The following F8 variants were observed in gnomAD, a reference collection of about 807,000 sequenced individuals.
The protein encoded by F8 is coagulation factor VIII.
In F8, 12 loss-of-function variants were observed where a neutral mutation model predicts 140.6. The observed-to-expected ratio is 0.09, with a 90% CI of 0.05 to 0.14. The LOEUF is 0.14. Ranked by LOEUF, F8 falls within the 10% of genes least tolerant of loss-of-function variation. F8 has a pLI of 1.00. For missense variants in F8, 1,354 were observed against 1,720.7 expected, an observed-to-expected ratio of 0.79 and a Z score of 3.77; for synonymous variants, 585 against 614.6, an observed-to-expected ratio of 0.95 and a Z score of 0.71.
rs1047161324 is a variant in F8 at position 154,906,063 on chromosome X, A to G, written c.5373+357T>C. Reference sequence around the variant, plus strand: ...ATTACAGCGTTATTTATATAGTGAAAAAAGAAACTGTCTAAAAGCTTGTTC... The same window carrying G: ...ATTACAGCGTTATTTATATAGTGAAGAAAGAAACTGTCTAAAAGCTTGTTC... On this transcript the variant is annotated intron_variant, in intron 15 of 25. Coordinates refer to ENST00000360256, the MANE Select transcript of F8 (RefSeq NM_000132.4). Among the ~76,000 whole-genome samples, 57 of 112,090 alleles carry G rather than the reference A, an allele frequency of 5.1e-4. 1 individual carries two copies. Among genetic ancestry groups the G allele is most frequent in the African/African-American group, 1.8e-3 (56 of 31,011 alleles).
chrX:155,015,663 A>G (rs1339424396), intron 1 of F8, among the ~76,000 whole-genome samples: 1 of 111,743 alleles, frequency 8.9e-6, no homozygotes, highest in Non-Finnish European at 1.9e-5. Flanking sequence ...ACTAGAGGAA[A>G]GAGGGAGGAG....
intron 6 of F8, among the ~76,000 whole-genome samples, chrX:154,981,055 C>G (rs2073516723): frequency 8.9e-6 from 1 of 112,138 alleles, no homozygotes; most frequent in African/African-American, 3.2e-5. Flanking sequence ...CATGCTGGCT[C>G]TGCTACTAAT....
intron 13 of F8, among the ~76,000 whole-genome samples, chrX:154,945,191 C>G (rs1276867063): frequency 1.3e-4 from 14 of 110,776 alleles, no homozygotes; most frequent in African/African-American, 3.9e-4. Flanking sequence ...AGAACTAATA[C>G]CAGCTCTTCA....
rs782324012 is a variant in F8 at position 154,928,590 on chromosome X, G to A, written c.5200C>T (p.Pro1734Ser). 3.1e-5 allele frequency: 38 copies of A among 1,208,066 alleles called. No individual in the cohort carries two copies. The highest frequency in any genetic ancestry group is 6.7e-6 in the Non-Finnish European group (6 of 893,511). The stretch of plus-strand genomic sequence containing the variant: ...TCATACCTGTTTCTTAGAACATGTG[G>A]GGAGCTACTCATCCCATAATCCCAG... The part of the protein sequence containing the change: ...RLWDYGMSSS[P>S]HVLRNRAQSG... The change falls in exon 14 of 26, where the codon CCA becomes TCA. Residue 1734 changes from proline to serine, a missense_variant. Physicochemically the swap from Pro to Ser is moderately conservative, Grantham distance 74. Coordinates refer to ENST00000360256, the MANE Select transcript of F8 (RefSeq NM_000132.4).
chrX:154,921,219 G>A (rs1353971741), intron 14 of F8, among the ~76,000 whole-genome samples: 2 of 111,766 alleles, frequency 1.8e-5, no homozygotes, highest in Admixed American at 9.5e-5. Flanking sequence ...TTATACAAAG[G>A]ATATGAACAG....
Position 154,930,594 on chromosome X carries a change from G to A in F8, c.3196C>T (p.His1066Tyr), listed in dbSNP as rs1196356883. 3 of 1,207,924 alleles carry A rather than the reference G, an allele frequency of 2.5e-6. No homozygotes were observed. The highest frequency in any genetic ancestry group is 3.4e-6 in the Non-Finnish European group (3 of 893,197). The change falls in exon 14 of 26, where the codon CAT (histidine) becomes TAT (tyrosine). Residue 1066 changes from histidine to tyrosine, a missense_variant. Transcript: ENST00000360256. ...TTTTTGTCCATAAGCATTCTGTCAT[G>A]AATCAAAGGTGTCACTTTTTTAAAC... Reference protein sequence around the residue: ...TEFKKVTPLIHDRMLMDKNAT... With the variant: ...TEFKKVTPLIYDRMLMDKNAT...
chrX:154,967,625 A>C (rs1315312222), intron 7 of F8, among the ~76,000 whole-genome samples: 1 of 112,176 alleles, frequency 8.9e-6, no homozygotes, highest in African/African-American at 3.2e-5. Context: ...TTTCTGAAAA[A>C]TAAAGATTAA....
rs372363416 is a variant in F8, at chrX:154,930,110, T to C, written c.3680A>G (p.Asn1227Ser). The C allele has an allele frequency of 1.7e-6, 2 of 1,208,545 alleles. No individual in the cohort carries two copies. Among genetic ancestry groups the C allele is most frequent in the East Asian group, 3.0e-5 (1 of 33,776 alleles). Residue 1227 changes from asparagine (N) to serine (S), a missense_variant, in exon 14 of 26, where the codon AAT (asparagine) becomes AGT (serine). Asn to Ser is a conservative substitution (Grantham distance 46). Coordinates refer to ENST00000360256, the MANE Select transcript of F8 (RefSeq NM_000132.4). The part of the protein sequence containing the change: ...IEKKETLIQE[N>S]VVLPQIHTVT... ...TGTATGTATCTGAGGCAAAACTACA[T>C]TCTCTTGGATTAATGTTTCCTTCTT...
At position 154,953,926 on chromosome X, in the gene F8, C is replaced by G; in HGVS notation, c.1869G>C (p.Glu623Asp). ...TGTTGGAGGCTTGGAACTCTGGATCCTCAAGCTGCACTCCAGCTGGATTGG... is the reference window on the plus strand; with the variant it reads ...TGTTGGAGGCTTGGAACTCTGGATCGTCAAGCTGCACTCCAGCTGGATTGG... Reference protein sequence around the residue: ...FLPNPAGVQLEDPEFQASNIM... With the variant: ...FLPNPAGVQLDDPEFQASNIM... Residue 623 changes from glutamate to aspartate, a missense_variant, in exon 12 of 26, where the codon GAG becomes GAC. By Grantham distance (45) the Glu-to-Asp change is conservative. Coordinates refer to ENST00000360256, the MANE Select transcript of F8 (RefSeq NM_000132.4). 1 of 1,211,845 alleles carries G rather than the reference C, an allele frequency of 8.3e-7. No homozygotes were observed. Among genetic ancestry groups the G allele is most frequent in the Non-Finnish European group, 1.1e-6 (1 of 895,503 alleles).
chrX:154,843,598 G>C (rs781853583), intron 25 of F8, among the ~76,000 whole-genome samples: 1 of 112,251 alleles, frequency 8.9e-6, no homozygotes, highest in South Asian at 3.7e-4. Context: ...GTCTTCTTTT[G>C]AGAAGTGTCT....
Position 154,930,683 on chromosome X carries a change from C to T in F8, c.3107G>A (p.Gly1036Asp), listed in dbSNP as rs782578812. Residue 1036 changes from glycine to aspartate, a missense_variant, in exon 14 of 26, where the codon GGC (glycine) becomes GAC (aspartate). This residue lies in a region of F8 where 658 missense variants were observed against 666.5 expected (regional missense o/e 0.99). Transcript: ENST00000360256. ...SATNRKTHID[G>D]PSLLIENSPS... ...ACTATTCTCAATTAATAATGATGGGCCATCAATGTGAGTCTTTCTATTAGT... is the reference window on the plus strand; with the variant it reads ...ACTATTCTCAATTAATAATGATGGGTCATCAATGTGAGTCTTTCTATTAGT... The T allele has an allele frequency of 8.3e-7, 1 of 1,208,728 alleles. No homozygotes were observed. The highest frequency in any genetic ancestry group is 1.8e-5 in the South Asian group (1 of 56,463).
intron 22 of F8, among the ~76,000 whole-genome samples, chrX:154,865,791 A>G (rs782656857): frequency 9.1e-6 from 1 of 109,328 alleles, no homozygotes; most frequent in Non-Finnish European, 1.9e-5. Context: ...GAAAAAGAGG[A>G]AAGGAACAAG....
rs782326306 is a variant in F8 at position 154,941,373 on chromosome X, C to G, written c.2113+6325G>C. Among the ~76,000 whole-genome samples the G allele has an allele frequency of 5.4e-5, 6 of 111,437 alleles. No homozygotes were observed. In the East Asian group the frequency reaches 1.7e-3, roughly 31 times the overall value. ...AAGGCAGGGGTTGCAATCCTAGTCT[C>G]TGATAGAACAGACTTTAAACCAACA... is the stretch of plus-strand genomic sequence containing the variant. On this transcript the variant is annotated intron_variant, in intron 13 of 25. Coordinates refer to ENST00000360256, the MANE Select transcript of F8 (RefSeq NM_000132.4).
intron 6 of F8, among the ~76,000 whole-genome samples, chrX:154,980,053 C>T (rs782222009): frequency 1.8e-5 from 2 of 111,637 alleles, no homozygotes; most frequent in South Asian, 7.5e-4. Context: ...GGCCTTATTT[C>T]TCTCTCCTCC....
chrX:154,901,336 G>C, intron 20 of F8, 35 bp downstream of exon 20: 1 of 886,403 alleles, frequency 1.1e-6, no homozygotes, highest in Non-Finnish European at 1.7e-6. Flanking sequence ...GATATAATCA[G>C]CCCAGGTTCT....
chrX:155,002,618 C>CAA (rs1557285706), intron 1 of F8, among the ~76,000 whole-genome samples: 1 of 108,435 alleles, frequency 9.2e-6, no homozygotes, highest in Non-Finnish European at 1.9e-5. Context: ...TATTTACACA[C>CAA]ACACACACAC....
At chrX:154,861,609 G>T in intron 24 of F8, 109 bp downstream of exon 24, 1 of 978,105 alleles carries the variant, frequency 1.0e-6, no homozygotes, top group Non-Finnish European at 1.5e-6. Flanking sequence ...ACACTTTTTA[G>T]AACTAACAGT....
chrX:154,881,215 T>C (rs1315055914), intron 22 of F8, among the ~76,000 whole-genome samples: 1 of 81,751 alleles, frequency 1.2e-5, no homozygotes, highest in Non-Finnish European at 2.3e-5. Context: ...GTGGGTTCAG[T>C]GTAGCCTACA....
intron 16 of F8, 54 bp from the exon 17 acceptor site, chrX:154,904,578 A>G (rs1488094194): frequency 3.8e-6 from 4 of 1,062,516 alleles, no homozygotes; most frequent in Non-Finnish European, 5.3e-6. Context: ...CCTATGAACC[A>G]GAGTGGATTT....
Sources: allele counts gnomAD v4.1 joint callset (sites outside exome capture counted in the v4.1 genomes callset), GRCh38; gene constraint gnomAD v4.1.1; regional missense constraint gnomAD v4.1.1; transcripts MANE v1.5; gene names NCBI Gene and HGNC (gene_info 2026-07-23, HGNC 2026-07-21).